GCM1: variants seen among roughly 807,000 people sequenced by gnomAD.
The protein encoded by GCM1 is chorion-specific transcription factor GCMa.
GCM1 carries 2 observed loss-of-function variants against 25.7 expected under a neutral mutation model. That is an observed-to-expected ratio of 0.08 (90% CI 0.03 to 0.24). The LOEUF is 0.24. GCM1 is among the 10% of genes least tolerant of loss of function. The pLI is 1.00. For missense variants in GCM1, 395 were observed against 538.7 expected, an observed-to-expected ratio of 0.73 and a Z score of 2.64; for synonymous variants, 183 against 195.7, an observed-to-expected ratio of 0.94 and a Z score of 0.54.
At position 53,130,936 on chromosome 6, in the gene GCM1, A is replaced by C; in HGVS notation, c.442-5T>G. The stretch of plus-strand genomic sequence containing the variant: ...ATGATCATGCTCTCCCTTTGACTTA[A>C]ATGAGACAAGGAAGTAGAAAGGAAA... On this transcript the variant is annotated splice_polypyrimidine_tract_variant and splice_region_variant and intron_variant, in intron 4 of 5. Transcript: ENST00000259803. The C allele has an allele frequency of 6.2e-7, 1 of 1,611,912 alleles. No individual in the cohort carries two copies. Among genetic ancestry groups the C allele is most frequent in the East Asian group, 2.2e-5 (1 of 44,876 alleles).
chr6:53,138,056 T>C (rs1235703591), intron 2 of GCM1, among the ~76,000 whole-genome samples: 1 of 151,726 alleles, frequency 6.6e-6, no homozygotes, highest in Non-Finnish European at 1.5e-5. Flanking sequence ...CCAAGGTGGG[T>C]GGATCACTTG....
chr6:53,141,819 C>A (rs1224429469), intron 2 of GCM1, among the ~76,000 whole-genome samples: 1 of 151,482 alleles, frequency 6.6e-6, no homozygotes, highest in African/African-American at 2.4e-5. Context: ...GCCTGGGCAA[C>A]ATGGCAAAAC....
At position 53,134,900 on chromosome 6, in the gene GCM1, A is replaced by G. The variant is rs561356516; in HGVS notation, c.76-576T>C. ...ATCTTACTGGGAGTCACACAGGTTT[A>G]TGCAATGTCGCCAGAGATAAGCAGT... is the stretch of plus-strand genomic sequence containing the variant. On this transcript the variant is annotated intron_variant, in intron 2 of 5. Transcript: ENST00000259803. Among the ~76,000 whole-genome samples, 7 of 152,338 alleles carry G rather than the reference A, an allele frequency of 4.6e-5. No homozygotes were observed. The South Asian group carries it at 1.4e-3, about 32-fold the overall frequency.
At chr6:53,142,703 A>G (rs906175381) in intron 2 of GCM1, among the ~76,000 whole-genome samples, 1 of 152,162 alleles carries the variant, frequency 6.6e-6, no homozygotes, top group Admixed American at 6.5e-5. Flanking sequence ...TCCATATTCA[A>G]CATTTGTTGT....
chr6:53,143,995 G>C (rs1447400724), intron 2 of GCM1, among the ~76,000 whole-genome samples: 3 of 152,202 alleles, frequency 2.0e-5, no homozygotes, highest in African/African-American at 7.2e-5. Context: ...GAATCAGGCA[G>C]ACTGGATTGA....
chr6:53,137,334 C>G (rs1763815565), intron 2 of GCM1, among the ~76,000 whole-genome samples: 1 of 152,328 alleles, frequency 6.6e-6, no homozygotes, highest in Admixed American at 6.5e-5. Context: ...AGGCAGCATG[C>G]CTCCTGCTCT....
At chr6:53,136,299 A>G (rs972670201) in intron 2 of GCM1, among the ~76,000 whole-genome samples, 24 of 152,222 alleles carry the variant, frequency 1.6e-4, no homozygotes, top group African/African-American at 5.5e-4. Context: ...AAAGACTACA[A>G]TATTTACTAT....
Position 53,134,270 on chromosome 6 carries a change from T to C in GCM1, c.130A>G (p.Ile44Val), listed in dbSNP as rs765388786. The C allele has an allele frequency of 4.3e-6, 7 of 1,614,082 alleles. No homozygotes were observed. Among genetic ancestry groups the C allele is most frequent in the Non-Finnish European group, 5.9e-6 (7 of 1,180,030 alleles). ...QEWPDSYAKHIYSSEDKNAQR... is the reference protein window; with the variant it reads ...QEWPDSYAKHVYSSEDKNAQR... ...GCATTCTTGTCCTCCGAGCTGTAGA[T>C]GTGTTTGGCATAGGAATCTGGCCAC... Residue 44 changes from isoleucine to valine, a missense_variant, in exon 3 of 6, where the codon ATC (isoleucine) becomes GTC (valine). Around this residue, in one of 5 missense-constraint regions of GCM1, gnomAD observed 44 missense variants for 60.8 expected, o/e 0.72. Coordinates refer to ENST00000259803, the MANE Select transcript of GCM1 (RefSeq NM_003643.4).
In GCM1 at chr6:53,128,179, T is replaced by TG; in HGVS notation, c.*26dup. 6.3e-7 allele frequency: 1 copy of TG among 1,576,074 alleles called. No homozygotes were observed. Among genetic ancestry groups the TG allele is most frequent in the Non-Finnish European group, 8.6e-7 (1 of 1,161,386 alleles). The stretch of plus-strand genomic sequence containing the variant: ...CAGCCCTTCCCCATTTTTGAGGGGC[T>TG]GGGGTGCACATAGTGAAAGATTTGG... On this transcript the variant is annotated 3_prime_UTR_variant, in exon 6 of 6. Transcript: ENST00000259803.
At chr6:53,128,984 A>G in intron 5 of GCM1, 38 bp from the exon 6 acceptor site, 1 of 1,574,118 alleles carries the variant, frequency 6.4e-7, no homozygotes, top group Middle Eastern at 1.9e-4. Flanking sequence ...TAATAAGTTA[A>G]GCAAATCAAA....
chr6:53,146,509 C>T (rs1005370297), intron 1 of GCM1, among the ~76,000 whole-genome samples: 4 of 152,030 alleles, frequency 2.6e-5, no homozygotes, highest in Non-Finnish European at 4.4e-5. Flanking sequence ...CGTGAGCCAC[C>T]GCACCCGGCC....
Position 53,126,976 on chromosome 6 carries a change from C to T in GCM1, c.*1230G>A, listed in dbSNP as rs973180145. 1.2e-4 allele frequency: 18 copies of T among 152,016 alleles called. No individual in the cohort carries two copies. The highest frequency in any genetic ancestry group is 3.9e-4 in the African/African-American group (16 of 41,382). 9.4% of individuals were successfully genotyped at this position (152,016 alleles called of 1,614,324 possible). On this transcript the variant is annotated 3_prime_UTR_variant, in exon 6 of 6. Transcript: ENST00000259803. The stretch of plus-strand genomic sequence containing the variant: ...GAAGGAATAATTTATTTCAAAAATA[C>T]TTGTTTATTGCATGGTTCTCTCCAG...
Position 53,134,128 on chromosome 6 carries a change from C to T in GCM1, c.272G>A (p.Gly91Glu), listed in dbSNP as rs763931007. Residue 91 changes from glycine to glutamate, a missense_variant, in exon 3 of 6, where the codon GGG becomes GAG. This residue lies in a region of GCM1 where 21 missense variants were observed against 22.9 expected (regional missense o/e 0.92). Transcript: ENST00000259803. ...VCGRDCLAEE[G>E]RKIYLRPAIC... ...GGCAGGTCTCAGGTAGATCTTGCGC[C>T]CCTCCTCTGCGAGACAGTCGCGGCC... The T allele has an allele frequency of 1.2e-6, 2 of 1,614,150 alleles. No homozygotes were observed. Among genetic ancestry groups the T allele is most frequent in the Non-Finnish European group, 1.7e-6 (2 of 1,180,022 alleles).
intron 2 of GCM1, among the ~76,000 whole-genome samples, chr6:53,142,870 CAAAAAAAAAAAAAAAAA>C (rs60718730): frequency 2.1e-4 from 8 of 37,510 alleles, no homozygotes; most frequent in Admixed American, 4.9e-4. Flanking sequence ...CAAGGATCTC[CAAAAAAAAAAAAAAAAA>C]AAAAAAAAAA....
chr6:53,129,097 C>T (rs1373200473), intron 5 of GCM1, 151 bp from the exon 6 acceptor site: 17 of 631,182 alleles, frequency 2.7e-5, no homozygotes, highest in East Asian at 5.3e-5. Flanking sequence ...ACACATGCAG[C>T]GGCTTGACCA....
In GCM1 at chr6:53,145,656, T is replaced by TGACCAG; in HGVS notation, c.-25_-24insCTGGTC. On this transcript the variant is annotated 5_prime_UTR_variant, in exon 2 of 6. Transcript: ENST00000259803. ...ATGATAAGGTCAGGCCAGCCAAGGTTTTCACCTATTCGACTCCCCTCAGAA... is the reference window on the plus strand; with the variant it reads ...ATGATAAGGTCAGGCCAGCCAAGGTTGACCAGTTCACCTATTCGACTCCCCTCAGAA... The TGACCAG allele has an allele frequency of 7.1e-7, 1 of 1,400,654 alleles. No individual in the cohort carries two copies. The highest frequency in any genetic ancestry group is 1.0e-6 in the Non-Finnish European group (1 of 987,042). 86.8% of individuals were successfully genotyped at this position (1,400,654 alleles called of 1,614,324 possible).
chr6:53,133,942 C>G (rs375030581), intron 3 of GCM1, 130 bp downstream of exon 3: 2 of 887,190 alleles, frequency 2.3e-6, no homozygotes, highest in East Asian at 5.3e-5. Context: ...CATGTCAGAA[C>G]AGCCTTGGCT....
intron 3 of GCM1, 69 bp from the exon 4 acceptor site, chr6:53,132,188 T>C: frequency 1.0e-6 from 1 of 994,118 alleles, no homozygotes. Context: ...CTGTGCAGTC[T>C]TGAAGATTTT....
At chr6:53,147,757 T>G (rs904302968) in intron 1 of GCM1, among the ~76,000 whole-genome samples, 2 of 152,134 alleles carry the variant, frequency 1.3e-5, no homozygotes, top group African/African-American at 4.8e-5. Context: ...TGTTATATAA[T>G]CCTAATACTT....
Sources: gnomAD v4.1 joint callset for allele counts (sites outside exome capture counted in the v4.1 genomes callset) on GRCh38, gnomAD v4.1.1 for gene constraint, gnomAD v4.1.1 regional missense constraint, MANE v1.5 for transcripts, NCBI Gene and HGNC (gene_info 2026-07-23, HGNC 2026-07-21) for gene names.